Variants in C21orf91 observed in about 807,000 individuals in gnomAD.
C21orf91 encodes the protein protein EURL homolog.
C21orf91 carries 26 observed loss-of-function variants against 32.9 expected under a neutral mutation model. That is an observed-to-expected ratio of 0.79 (90% CI 0.58 to 1.10). C21orf91 has a LOEUF of 1.10. Among genes scored for constraint, C21orf91 ranks in the 50% least tolerant of loss-of-function variants. The probability of loss-of-function intolerance (pLI) is 0.00; values close to 1 mark genes in which losing one functional copy is unlikely to be tolerated. For missense variants in C21orf91, 310 were observed against 341.3 expected (o/e 0.91, Z 0.72); for synonymous variants, 126 against 120.4 (o/e 1.05, Z -0.31).
rs2062691354 is a variant in C21orf91, at chr21:17,819,337, G to A, written c.-42C>T. 1 of 152,456 alleles carries A rather than the reference G, an allele frequency of 6.6e-6. No individual in the cohort carries two copies. The highest frequency in any genetic ancestry group is 2.4e-5 in the African/African-American group (1 of 41,444). The allele number at this position is 152,456 out of a possible 1,614,324, so 9.4% of individuals were successfully genotyped here. A position where few individuals can be genotyped will look rare whatever the true frequency, so the allele number is the denominator to read the frequency against. On this transcript the variant is annotated 5_prime_UTR_variant, in exon 1 of 5. Coordinates refer to ENST00000284881, the MANE Select transcript of C21orf91 (RefSeq NM_001100420.2). ...CCGCGGGCCACCACCGCCGTTCCGTGCGGCTCGGGTTCCTCCACTATTGTT... is the reference window on the plus strand; with the variant it reads ...CCGCGGGCCACCACCGCCGTTCCGTACGGCTCGGGTTCCTCCACTATTGTT...
intron 1 of C21orf91, 136 bp from the exon 2 acceptor site, chr21:17,818,461 G>A (rs886292527): frequency 1.0e-5 from 7 of 682,446 alleles, no homozygotes; most frequent in African/African-American, 3.6e-5. Context: ...AACAAGCATC[G>A]CCATACTTGC....
At chr21:17,802,319 C>T (rs894117026) in intron 2 of C21orf91, among the ~76,000 whole-genome samples, 8 of 152,284 alleles carry the variant, frequency 5.3e-5, no homozygotes, top group Middle Eastern at 3.4e-3. Context: ...CACCACCACA[C>T]GTGGTTAATT....
rs924553160 is a variant in C21orf91 at position 17,819,329 on chromosome 21, C to G, written c.-34G>C. ...GTCCGGCTCCGCGGGCCACCACCGC[C>G]GTTCCGTGCGGCTCGGGTTCCTCCA... On this transcript the variant is annotated 5_prime_UTR_variant, in exon 1 of 5. Coordinates refer to ENST00000284881, the MANE Select transcript of C21orf91 (RefSeq NM_001100420.2). 1.3e-5 allele frequency: 2 copies of G among 152,442 alleles called. No homozygotes were observed. Among genetic ancestry groups the G allele is most frequent in the Admixed American group, 1.3e-4 (2 of 15,288 alleles). 9.4% of individuals were successfully genotyped at this position (152,442 alleles called of 1,614,324 possible).
In C21orf91 at chr21:17,790,936, G is replaced by GTGCCA. The variant is rs1478214360; in HGVS notation, c.*2478_*2479insTGGCA. On this transcript the variant is annotated 3_prime_UTR_variant, in exon 5 of 5. Coordinates refer to ENST00000284881, the MANE Select transcript of C21orf91 (RefSeq NM_001100420.2). Reference sequence around the variant, plus strand: ...AAGCTCTGAAAATTTAGTAATGGATGACTGGCAGTCTGTTTTGCCACTTTT... The same window carrying GTGCCA: ...AAGCTCTGAAAATTTAGTAATGGATGTGCCAACTGGCAGTCTGTTTTGCCACTTTT... The GTGCCA allele has an allele frequency of 6.6e-6, 1 of 152,058 alleles. No homozygotes were observed. Among genetic ancestry groups the GTGCCA allele is most frequent in the African/African-American group, 2.4e-5 (1 of 41,428 alleles). The allele number at this position is 152,058 out of a possible 1,614,324, so 9.4% of individuals were successfully genotyped here. A position where few individuals can be genotyped will look rare whatever the true frequency, so the allele number is the denominator to read the frequency against.
At chr21:17,813,841 T>C (rs528020701) in intron 2 of C21orf91, 1 of 152,176 alleles carries the variant, frequency 6.6e-6, no homozygotes, top group Non-Finnish European at 1.5e-5. Context: ...TCCAATCTTA[T>C]AAAAAAGTTT....
chr21:17,809,376 A>G (rs2062618128), intron 2 of C21orf91, among the ~76,000 whole-genome samples: 1 of 152,254 alleles, frequency 6.6e-6, no homozygotes, highest in East Asian at 1.9e-4. Context: ...ATTTGAAGAT[A>G]GCAGTATAGA....
Position 17,793,590 on chromosome 21 carries a change from G to A in C21orf91, c.728-9C>T. ...TAACTCTTCAAAAACTTCTGTAAAA[G>A]ATTTAAAAACTTTCATTTTTAGTAT... On this transcript the variant is annotated splice_polypyrimidine_tract_variant and intron_variant, in intron 4 of 4. Transcript: ENST00000284881. 6.3e-7 allele frequency: 1 copy of A among 1,590,522 alleles called. No homozygotes were observed. Among genetic ancestry groups the A allele is most frequent in the Non-Finnish European group, 8.6e-7 (1 of 1,164,810 alleles).
At position 17,795,264 on chromosome 21, in the gene C21orf91, G is replaced by A. The variant is rs112947646; in HGVS notation, c.671C>T (p.Ser224Leu). The A allele has an allele frequency of 1.9e-4, 297 of 1,603,354 alleles. No individual in the cohort carries two copies. The African/African-American group carries it at 2.9e-3, about 16-fold the overall frequency. ...HPHYSREELN[S>L]MTLGEVEQLN... is the part of the protein sequence containing the mutation. The stretch of plus-strand genomic sequence containing the variant: ...TTGCTCTACCTCACCAAGAGTCATC[G>A]AATTCACTGAAACATGAAAATGTAT... The change falls in exon 4 of 5, where the codon TCG (serine) becomes TTG (leucine). Residue 224 changes from serine to leucine, a missense_variant. Ser to Leu is a moderately radical substitution (Grantham distance 145). Transcript: ENST00000284881.
intron 2 of C21orf91, among the ~76,000 whole-genome samples, chr21:17,816,102 G>A (rs1771659639): frequency 6.6e-6 from 1 of 152,162 alleles, no homozygotes; most frequent in South Asian, 2.1e-4. Flanking sequence ...AGATTAAATT[G>A]GGATTTTAAT....
At chr21:17,818,413 G>C (rs2062679982) in intron 1 of C21orf91, 88 bp from the exon 2 acceptor site, 1 of 1,098,780 alleles carries the variant, frequency 9.1e-7, no homozygotes, top group Admixed American at 2.2e-5. Flanking sequence ...TAGGAAATAA[G>C]GATGCTGTTC....
At chr21:17,801,293 C>T (rs1248998456) in intron 2 of C21orf91, among the ~76,000 whole-genome samples, 11 of 147,826 alleles carry the variant, frequency 7.4e-5, no homozygotes, top group African/African-American at 1.2e-4. Flanking sequence ...TTTTTTTAGA[C>T]GGAGTCTCGC....
Position 17,811,692 on chromosome 21 carries a change from A to G in C21orf91, c.127+6500T>C, listed in dbSNP as rs191689937. ...CAATCTAGATTTAAGCTGTTTTCAT[A>G]TAGCTGATAAAACATTTCTTTTCAT... is the stretch of plus-strand genomic sequence containing the variant. On this transcript the variant is annotated intron_variant, in intron 2 of 4. Coordinates refer to ENST00000284881, the MANE Select transcript of C21orf91 (RefSeq NM_001100420.2). Among the ~76,000 whole-genome samples, 17 of 152,284 alleles carry G rather than the reference A, an allele frequency of 1.1e-4. No individual in the cohort carries two copies. In the East Asian group the frequency reaches 3.3e-3, roughly 29 times the overall value.
At chr21:17,811,566 T>C (rs531709121) in intron 2 of C21orf91, 13 of 152,302 alleles carry the variant, frequency 8.5e-5, no homozygotes, top group African/African-American at 3.1e-4. Flanking sequence ...TCTGGAGAGG[T>C]GATGTCTCTT....
chr21:17,812,773 T>C (rs1470606404), intron 2 of C21orf91, among the ~76,000 whole-genome samples: 3 of 151,792 alleles, frequency 2.0e-5, no homozygotes, highest in Admixed American at 6.6e-5. Context: ...TGCACCACTG[T>C]ACTCCAGCCT....
rs112910133 is a variant in C21orf91, at chr21:17,808,632, G to A, written c.127+9560C>T. ...GATGTAACCTCACTGTATCTTGGAA[G>A]TAACTAACTTGTTTTTTAGAGGCTT... On this transcript the variant is annotated intron_variant, in intron 2 of 4. Transcript: ENST00000284881. Among the ~76,000 whole-genome samples the A allele has an allele frequency of 2.5e-3, 375 of 152,310 alleles. 9 individuals carry two copies. The East Asian group carries it at 0.068, about 27-fold the overall frequency.
At chr21:17,807,606 T>C (rs1351508502) in intron 2 of C21orf91, among the ~76,000 whole-genome samples, 1 of 152,196 alleles carries the variant, frequency 6.6e-6, no homozygotes, top group Non-Finnish European at 1.5e-5. Context: ...CCTAGACACT[T>C]GTTAAATTGT....
At position 17,796,664 on chromosome 21, in the gene C21orf91, G is replaced by T; in HGVS notation, c.582C>A (p.Asn194Lys). Residue 194 changes from asparagine to lysine, a missense_variant, in exon 3 of 5, where the codon AAC becomes AAA. Coordinates refer to ENST00000284881, the MANE Select transcript of C21orf91 (RefSeq NM_001100420.2). ...TTGTCTCTTCTTTTTTCTGTGCCTG[G>T]TTGTGACTATGAGGCCACAATACAC... is the stretch of plus-strand genomic sequence containing the variant. ...RNSVLWPHSH[N>K]QAQKKEETIS... is the part of the protein sequence containing the mutation. 6.2e-7 allele frequency: 1 copy of T among 1,613,630 alleles called. No homozygotes were observed. Among genetic ancestry groups the T allele is most frequent in the Non-Finnish European group, 8.5e-7 (1 of 1,179,568 alleles).
chr21:17,819,019 G>C (rs1037126093), intron 1 of C21orf91: 1 of 152,212 alleles, frequency 6.6e-6, no homozygotes, highest in Non-Finnish European at 1.5e-5. Flanking sequence ...ATCGCTCCGG[G>C]ATTCCTCCCA....
At chr21:17,815,792 C>T (rs1258044132) in intron 2 of C21orf91, among the ~76,000 whole-genome samples, 1 of 152,120 alleles carries the variant, frequency 6.6e-6, no homozygotes, top group Non-Finnish European at 1.5e-5. Context: ...TCCTGAGTAG[C>T]TGAGATTACA....
Sources: gnomAD v4.1 joint callset for allele counts (sites outside exome capture counted in the v4.1 genomes callset) on GRCh38, gnomAD v4.1.1 for gene constraint, MANE v1.5 for transcripts, NCBI Gene and HGNC (gene_info 2026-07-23, HGNC 2026-07-21) for gene names.